The following TPST2 variants were observed in gnomAD, a reference collection of about 807,000 sequenced individuals.
TPST2 encodes protein-tyrosine sulfotransferase 2.
In TPST2, 16 loss-of-function variants were observed where a neutral mutation model predicts 27.8. The ratio of observed to expected loss-of-function variants is 0.58; its 90% CI spans 0.39 to 0.88. The LOEUF (loss-of-function observed/expected upper bound fraction) is 0.88. Among genes scored for constraint, TPST2 ranks in the 40% least tolerant of loss-of-function variants. The pLI is 0.00. For synonymous variants in TPST2, 229 were observed against 231.7 expected, an observed-to-expected ratio of 0.99 and a Z score of 0.10; for missense variants, 464 against 543.1, an observed-to-expected ratio of 0.85 and a Z score of 1.45.
intron 5 of TPST2, among the ~76,000 whole-genome samples, chr22:26,529,689 C>T (rs531447787): frequency 6.6e-6 from 1 of 152,332 alleles, no homozygotes; most frequent in African/African-American, 2.4e-5. Context: ...CCCCATACCT[C>T]ACCCTACGCT....
intron 3 of TPST2, 148 bp from the exon 4 acceptor site, chr22:26,536,634 T>C: frequency 1.5e-6 from 1 of 679,250 alleles, no homozygotes; most frequent in Non-Finnish European, 2.3e-6. Context: ...AGATGGCAGG[T>C]GAGTCATTTT....
intron 1 of TPST2, among the ~76,000 whole-genome samples, chr22:26,577,649 ATTT>A (rs771843747): frequency 1.9e-3 from 178 of 93,356 alleles, no homozygotes; most frequent in Middle Eastern, 7.5e-3. Context: ...GCACCCGGCC[ATTT>A]TTTTTTTTTT....
rs1027644360 is a variant in TPST2, at chr22:26,524,017, T to C, written c.*2258A>G. The C allele has an allele frequency of 5.3e-5, 8 of 152,126 alleles. No individual in the cohort carries two copies. The highest frequency in any genetic ancestry group is 4.6e-4 in the Admixed American group (7 of 15,268). The allele number at this position is 152,126 out of a possible 1,614,324, so 9.4% of individuals were successfully genotyped here. A position where few individuals can be genotyped will look rare whatever the true frequency, so the allele number is the denominator to read the frequency against. Reference sequence around the variant, plus strand: ...TTGGGGTGTGTGGTGATGGGATACATAGCTGTCGCCAGATTCTCAAAGGGA... The same window carrying C: ...TTGGGGTGTGTGGTGATGGGATACACAGCTGTCGCCAGATTCTCAAAGGGA... On this transcript the variant is annotated 3_prime_UTR_variant, in exon 7 of 7. Coordinates refer to ENST00000338754, the MANE Select transcript of TPST2 (RefSeq NM_003595.5).
intron 1 of TPST2, among the ~76,000 whole-genome samples, chr22:26,579,823 T>G (rs936519385): frequency 7.0e-6 from 1 of 143,296 alleles, no homozygotes; most frequent in Non-Finnish European, 1.5e-5. Context: ...AGACAGAGGA[T>G]GTAGATGGGG....
At chr22:26,574,093 G>A (rs1346257244) in intron 1 of TPST2, among the ~76,000 whole-genome samples, 3 of 152,098 alleles carry the variant, frequency 2.0e-5, no homozygotes, top group Non-Finnish European at 4.4e-5. Flanking sequence ...CAGGGCTTTG[G>A]GGGACCTGGG....
chr22:26,570,037 A>AAGAC (rs1189566775), intron 1 of TPST2, among the ~76,000 whole-genome samples: 4 of 114,992 alleles, frequency 3.5e-5, no homozygotes, highest in African/African-American at 6.9e-5. Context: ...GAAAGAAAGA[A>AAGAC]AGAAAGACAG....
chr22:26,576,202 C>T (rs180675237), intron 1 of TPST2, among the ~76,000 whole-genome samples: 2 of 152,268 alleles, frequency 1.3e-5, no homozygotes, highest in Non-Finnish European at 2.9e-5. Context: ...CCCAATGGGG[C>T]TCCACCCCAT....
rs1216226245 is a variant in TPST2 at position 26,525,704 on chromosome 22, A to C, written c.*571T>G. 6.6e-6 allele frequency: 1 copy of C among 152,276 alleles called. No homozygotes were observed. Among genetic ancestry groups the C allele is most frequent in the Non-Finnish European group, 1.5e-5 (1 of 68,010 alleles). 9.4% of individuals were successfully genotyped at this position (152,276 alleles called of 1,614,324 possible). ...CCAGCTTTTTGCTCATCACAAATCT[A>C]CCTGACAAAATCCAGTATGGAAAGA... On this transcript the variant is annotated 3_prime_UTR_variant, in exon 7 of 7. Transcript: ENST00000338754.
In TPST2 at chr22:26,539,572, G is replaced by A. The variant is rs149299036; in HGVS notation, c.842+1217C>T. On this transcript the variant is annotated intron_variant, in intron 3 of 6. Transcript: ENST00000338754. ...GAGCTCAGGGGTTGGAGACCAGCCT[G>A]GAAGACATACTGAGATCTCATCTCT... 6.3e-3 allele frequency among the ~76,000 whole-genome samples: 954 copies of A among 151,454 alleles called. 7 individuals carry two copies. Among genetic ancestry groups the A allele is most frequent in the Admixed American group, 0.013 (195 of 15,184 alleles).
At chr22:26,583,219 G>A (rs554406499) in intron 1 of TPST2, among the ~76,000 whole-genome samples, 26 of 151,772 alleles carry the variant, frequency 1.7e-4, no homozygotes, top group Admixed American at 5.9e-4. Flanking sequence ...CAGATCACTT[G>A]AGGTGAGGAG....
At chr22:26,549,519 T>C (rs1926330384) in intron 1 of TPST2, among the ~76,000 whole-genome samples, 1 of 151,228 alleles carries the variant, frequency 6.6e-6, no homozygotes, top group South Asian at 2.1e-4. Flanking sequence ...TAGCCAGGCA[T>C]GGTGGCGCGT....
chr22:26,536,542 G>A (rs559498487), intron 3 of TPST2, 56 bp from the exon 4 acceptor site: 74 of 1,397,664 alleles, frequency 5.3e-5, no homozygotes, highest in Middle Eastern at 2.2e-4. Context: ...GCGCCTGAGC[G>A]GATTCCCTGC....
At chr22:26,528,927 A>G (rs1290677620) in intron 5 of TPST2, among the ~76,000 whole-genome samples, 1 of 151,932 alleles carries the variant, frequency 6.6e-6, no homozygotes, top group East Asian at 1.9e-4. Context: ...GGTTGCAGTG[A>G]GCCAAGATCA....
At chr22:26,582,491 G>C (rs1187239760) in intron 1 of TPST2, among the ~76,000 whole-genome samples, 1 of 152,078 alleles carries the variant, frequency 6.6e-6, no homozygotes, top group Non-Finnish European at 1.5e-5. Flanking sequence ...TTCCCCAAGG[G>C]GATCATATGC....
At chr22:26,587,384 C>T (rs555489377) in intron 1 of TPST2, among the ~76,000 whole-genome samples, 3 of 152,268 alleles carry the variant, frequency 2.0e-5, no homozygotes, top group Non-Finnish European at 4.4e-5. Context: ...TCACTTAGAC[C>T]GGAGTGCAGT....
intron 1 of TPST2, among the ~76,000 whole-genome samples, chr22:26,569,593 G>A (rs1262429643): frequency 6.6e-6 from 1 of 152,088 alleles, no homozygotes; most frequent in East Asian, 1.9e-4. Context: ...AGGCTGCAAT[G>A]AGCCATGGTT....
intron 1 of TPST2, among the ~76,000 whole-genome samples, chr22:26,570,286 C>T (rs941146848): frequency 5.9e-5 from 9 of 152,008 alleles, no homozygotes; most frequent in Non-Finnish European, 1.0e-4. Context: ...CGGTCCTGGG[C>T]GCCAGGAACT....
At chr22:26,578,848 TCTTTC>T (rs1438618524) in intron 1 of TPST2, among the ~76,000 whole-genome samples, 1 of 151,602 alleles carries the variant, frequency 6.6e-6, no homozygotes, top group Non-Finnish European at 1.5e-5. Context: ...CCTATTTCTT[TCTTTC>T]TTTTTTTTTT....
At chr22:26,557,357 T>C (rs1926856422) in intron 1 of TPST2, among the ~76,000 whole-genome samples, 2 of 152,286 alleles carry the variant, frequency 1.3e-5, no homozygotes, top group African/African-American at 2.4e-5. Flanking sequence ...TGGGCCTGAG[T>C]TTCCTCATCT....
Sources: allele counts gnomAD v4.1 joint callset (sites outside exome capture counted in the v4.1 genomes callset), GRCh38; gene constraint gnomAD v4.1.1; transcripts MANE v1.5; gene names NCBI Gene and HGNC (gene_info 2026-07-23, HGNC 2026-07-21).